Variants in GRK5 observed in about 807,000 individuals in gnomAD.
The protein encoded by GRK5 is G protein-coupled receptor kinase 5, also known as g protein-coupled receptor kinase GRK5.
In GRK5, 40 loss-of-function variants were observed where a neutral mutation model predicts 78.4. That is an observed-to-expected ratio of 0.51 (90% confidence interval 0.40 to 0.66). GRK5 has a LOEUF of 0.66. Ranked by LOEUF, GRK5 falls within the 30% of genes least tolerant of loss-of-function variation. GRK5 has a pLI of 0.00. For missense variants in GRK5, 598 were observed against 759.9 expected, an observed-to-expected ratio of 0.79 and a Z score of 2.50; for synonymous variants, 289 against 296.8, an observed-to-expected ratio of 0.97 and a Z score of 0.27.
intron 3 of GRK5, among the ~76,000 whole-genome samples, chr10:119,396,378 A>C (rs1050263928): frequency 4.6e-5 from 7 of 152,166 alleles, no homozygotes; most frequent in African/African-American, 1.7e-4. Context: ...CTCATGGCCC[A>C]CTGGAAAGCC....
At chr10:119,450,212 T>TG (rs1030926028) in intron 13 of GRK5, among the ~76,000 whole-genome samples, 1 of 152,162 alleles carries the variant, frequency 6.6e-6, no homozygotes, top group Non-Finnish European at 1.5e-5. Context: ...GCATCCAGAC[T>TG]GGGGGTGTGG....
At chr10:119,345,118 A>G (rs1417145411) in intron 2 of GRK5, among the ~76,000 whole-genome samples, 6 of 152,036 alleles carry the variant, frequency 3.9e-5, no homozygotes, top group South Asian at 4.2e-4. Flanking sequence ...ACAGGCGCCC[A>G]CAACCACGCC....
intron 1 of GRK5, among the ~76,000 whole-genome samples, chr10:119,313,247 G>GGTGGTGGTGATGGTGGTGGTAATA (rs1850425084): frequency 6.6e-6 from 1 of 150,414 alleles, no homozygotes; most frequent in Non-Finnish European, 1.5e-5. Context: ...TGGTGGTAAT[G>GGTGGTGGTGATGGTGGTGGTAATA]GTGGTGGTGA....
At position 119,267,133 on chromosome 10, in the gene GRK5, C is replaced by T. The variant is rs1474607931; in HGVS notation, c.52+59164C>T. 6.6e-6 allele frequency among the ~76,000 whole-genome samples: 1 copy of T among 151,982 alleles called. No homozygotes were observed. The highest frequency in any genetic ancestry group is 1.5e-5 in the Non-Finnish European group (1 of 68,020). On this transcript the variant is annotated intron_variant, in intron 1 of 15. Transcript: ENST00000392870. The surrounding 1 kb of genome is among the most constrained non-coding windows in gnomAD (Gnocchi z 4.1). Reference sequence around the variant, plus strand: ...TGGCGGGCGCCTGTAATCTCAGCTACTCAGGATGCTGAGGAAGGAGAATTG... The same window carrying T: ...TGGCGGGCGCCTGTAATCTCAGCTATTCAGGATGCTGAGGAAGGAGAATTG...
intron 1 of GRK5, among the ~76,000 whole-genome samples, chr10:119,256,163 C>T (rs1046848199): frequency 6.6e-6 from 1 of 151,956 alleles, no homozygotes; most frequent in African/African-American, 2.4e-5. Flanking sequence ...GCACACTGTC[C>T]CAGGAAAGCC....
At chr10:119,315,532 A>G (rs933666457) in intron 1 of GRK5, among the ~76,000 whole-genome samples, 1 of 152,170 alleles carries the variant, frequency 6.6e-6, no homozygotes, top group Non-Finnish European at 1.5e-5. Flanking sequence ...TCATCAGAAC[A>G]GCTGGCCGCC....
chr10:119,446,742 G>A (rs1176829014), intron 12 of GRK5, among the ~76,000 whole-genome samples: 1 of 152,194 alleles, frequency 6.6e-6, no homozygotes, highest in Non-Finnish European at 1.5e-5. Flanking sequence ...CCTTTCAAGG[G>A]TGGAACCTGG....
At chr10:119,275,658 T>C (rs1303192546) in intron 1 of GRK5, among the ~76,000 whole-genome samples, 1 of 148,796 alleles carries the variant, frequency 6.7e-6, no homozygotes, top group African/African-American at 2.5e-5. Context: ...GAGTAATGGT[T>C]TTAAAGTCAT....
intron 2 of GRK5, chr10:119,333,843 A>G (rs572032441): frequency 1.9e-6 from 1 of 532,708 alleles, no homozygotes; most frequent in Non-Finnish European, 3.8e-6. Flanking sequence ...TTAAGATGAG[A>G]TGACAAATCA....
chr10:119,373,596 C>A (rs565557714), intron 2 of GRK5, among the ~76,000 whole-genome samples: 1 of 152,232 alleles, frequency 6.6e-6, no homozygotes, highest in East Asian at 1.9e-4. Context: ...TATAAATTAC[C>A]CAGTCAGGTA....
At position 119,440,698 on chromosome 10, in the gene GRK5, G is replaced by A. The variant is rs143056635; in HGVS notation, c.967+930G>A. 6.5e-3 allele frequency among the ~76,000 whole-genome samples: 996 copies of A among 152,092 alleles called. 4 individuals carry two copies. The highest frequency in any genetic ancestry group is 9.5e-3 in the Non-Finnish European group (647 of 67,984). The stretch of plus-strand genomic sequence containing the variant: ...CCCAAGTAGCTGAGATTACAGGCAC[G>A]TGCCACCACGCCCGGCTAATTTTTG... On this transcript the variant is annotated intron_variant, in intron 10 of 15. Coordinates refer to ENST00000392870, the MANE Select transcript of GRK5 (RefSeq NM_005308.3).
rs1223769812 is a variant in GRK5 at position 119,348,695 on chromosome 10, G to A, written c.148+22084G>A. Among the ~76,000 whole-genome samples the A allele has an allele frequency of 2.0e-5, 3 of 152,352 alleles. No homozygotes were observed. In the South Asian group the frequency reaches 6.2e-4, roughly 32 times the overall value. ...CCTGGAAGAGGCCAGGGCTTGCTGGGCGGGCACAGCTGGCAGCTCCCCATT... is the reference window on the plus strand; with the variant it reads ...CCTGGAAGAGGCCAGGGCTTGCTGGACGGGCACAGCTGGCAGCTCCCCATT... On this transcript the variant is annotated intron_variant, in intron 2 of 15. Transcript: ENST00000392870.
intron 1 of GRK5, among the ~76,000 whole-genome samples, chr10:119,280,912 T>C (rs1264246678): frequency 6.6e-6 from 1 of 151,962 alleles, no homozygotes; most frequent in African/African-American, 2.4e-5. Context: ...CCTGAGTAGC[T>C]GGGATTACAG....
At chr10:119,435,701 ACT>A (rs1233750732) in intron 8 of GRK5, among the ~76,000 whole-genome samples, 13 of 151,478 alleles carry the variant, frequency 8.6e-5, no homozygotes, top group African/African-American at 2.9e-4. Flanking sequence ...AGCCCTTCAA[ACT>A]CTTCCAACCT....
intron 10 of GRK5, among the ~76,000 whole-genome samples, chr10:119,440,470 C>T (rs565245134): frequency 6.6e-6 from 1 of 152,128 alleles, no homozygotes; most frequent in South Asian, 2.1e-4. Flanking sequence ...CTCTGCCTCC[C>T]AGGTTCAAGT....
chr10:119,234,513 TG>T (rs1370206038), intron 1 of GRK5, among the ~76,000 whole-genome samples: 3 of 152,192 alleles, frequency 2.0e-5, no homozygotes, highest in Non-Finnish European at 2.9e-5. Flanking sequence ...AAAGTACATT[TG>T]GGGGTTACTT....
chr10:119,422,965 C>T (rs1255974202), intron 4 of GRK5, among the ~76,000 whole-genome samples: 2 of 152,258 alleles, frequency 1.3e-5, no homozygotes, highest in African/African-American at 4.8e-5. Flanking sequence ...TCAGCCACCT[C>T]CCCAAACCAC....
rs372204989 is a variant in GRK5, at chr10:119,236,214, A to AT, written c.52+28255dup. Among the ~76,000 whole-genome samples the AT allele has an allele frequency of 5.2e-3, 776 of 149,094 alleles. 7 individuals are homozygous for AT. The highest frequency in any genetic ancestry group is 0.018 in the African/African-American group (715 of 40,662). On this transcript the variant is annotated intron_variant, in intron 1 of 15. Transcript: ENST00000392870. ...GAGGTTGCAAACTGACCTACACACT[A>AT]TTTTTTTTTTCTTTTTTTTGAGACG...
intron 1 of GRK5, among the ~76,000 whole-genome samples, chr10:119,246,074 A>G (rs1416657202): frequency 6.6e-6 from 1 of 151,788 alleles, no homozygotes; most frequent in Non-Finnish European, 1.5e-5. Flanking sequence ...TTAAGAGAAC[A>G]GATCTCATGT....
Sources: gnomAD v4.1 joint callset for allele counts (sites outside exome capture counted in the v4.1 genomes callset) on GRCh38, gnomAD v4.1.1 for gene constraint, Gnocchi (gnomAD v3.1) non-coding constraint, MANE v1.5 for transcripts, NCBI Gene and HGNC (gene_info 2026-07-23, HGNC 2026-07-21) for gene names.